The following MARCHF8 variants were observed in gnomAD, a reference collection of about 807,000 sequenced individuals.
The protein encoded by MARCHF8 is E3 ubiquitin-protein ligase MARCHF8.
MARCHF8 carries 40 observed loss-of-function variants against 51.6 expected under a neutral mutation model. The observed-to-expected ratio is 0.77, with a 90% CI of 0.60 to 1.01. The LOEUF is 1.01. Among genes scored for constraint, MARCHF8 ranks in the 50% least tolerant of loss-of-function variants. MARCHF8 has a pLI of 0.00. For missense variants in MARCHF8, 685 were observed against 708.6 expected, an observed-to-expected ratio of 0.97 and a Z score of 0.38; for synonymous variants, 263 against 280.3, an observed-to-expected ratio of 0.94 and a Z score of 0.62.
intron 2 of MARCHF8, among the ~76,000 whole-genome samples, chr10:45,498,001 CTAA>C (rs2043204690): frequency 6.6e-6 from 1 of 152,138 alleles, no homozygotes; most frequent in South Asian, 2.1e-4. Context: ...CCTGAACAGA[CTAA>C]TACAAACATC....
intron 2 of MARCHF8, among the ~76,000 whole-genome samples, chr10:45,529,640 T>C (rs1043370256): frequency 6.6e-6 from 1 of 152,140 alleles, no homozygotes; most frequent in South Asian, 2.1e-4. Flanking sequence ...TTTTAAAAAA[T>C]GGGCAAAGGG....
At chr10:45,468,451 T>G (rs1843044042) in intron 3 of MARCHF8, among the ~76,000 whole-genome samples, 1 of 152,206 alleles carries the variant, frequency 6.6e-6, no homozygotes, top group Non-Finnish European at 1.5e-5. Context: ...AACCCCCAAC[T>G]GGGCCTCCTT....
At chr10:45,515,310 C>T (rs191990327) in intron 2 of MARCHF8, among the ~76,000 whole-genome samples, 1 of 152,288 alleles carries the variant, frequency 6.6e-6, no homozygotes, top group African/African-American at 2.4e-5. Flanking sequence ...TTCCCATAGC[C>T]GTCCTTTTTT....
At chr10:45,467,210 G>T (rs72796494) in intron 3 of MARCHF8, among the ~76,000 whole-genome samples, 2 of 152,160 alleles carry the variant, frequency 1.3e-5, no homozygotes, top group Non-Finnish European at 2.9e-5. Flanking sequence ...AGGTATGTCC[G>T]ATCCTCATCA....
chr10:45,461,149 C>T lies in MARCHF8; in HGVS notation c.1269+82G>A, dbSNP rs546495387. 6.5e-5 allele frequency: 72 copies of T among 1,108,878 alleles called. No individual in the cohort carries two copies. The African/African-American group carries it at 1.1e-3, about 17-fold the overall frequency. The allele number at this position is 1,108,878 out of a possible 1,614,324, so 68.7% of individuals were successfully genotyped here. A position where few individuals can be genotyped will look rare whatever the true frequency, so the allele number is the denominator to read the frequency against. On this transcript the variant is annotated intron_variant, in intron 6 of 7. Transcript: ENST00000453424. ...TTTTAAGGAAATGAACGCAGGCAAG[C>T]CATGACCTCATGATCTGAGACACCA...
intron 1 of MARCHF8, chr10:45,593,303 C>CT (rs1370152584): frequency 7.2e-5 from 11 of 151,938 alleles, no homozygotes; most frequent in African/African-American, 2.4e-4. Flanking sequence ...AATTAGGAAA[C>CT]TATGTGCTAC....
intron 1 of MARCHF8, among the ~76,000 whole-genome samples, chr10:45,542,649 A>G (rs1486290024): frequency 6.6e-6 from 1 of 152,192 alleles, no homozygotes; most frequent in Non-Finnish European, 1.5e-5. Context: ...GTATGGGCTT[A>G]CAATTCATTT....
chr10:45,567,065 T>G (rs1453834811), intron 1 of MARCHF8, among the ~76,000 whole-genome samples: 1 of 152,242 alleles, frequency 6.6e-6, no homozygotes, highest in African/African-American at 2.4e-5. Flanking sequence ...GTTTGCCACT[T>G]GTACATCTTC....
intron 1 of MARCHF8, among the ~76,000 whole-genome samples, chr10:45,555,771 G>GA: frequency 6.7e-6 from 1 of 150,324 alleles, no homozygotes; most frequent in Non-Finnish European, 1.5e-5. Flanking sequence ...AAAAGAAAAA[G>GA]AAAAGAGTAT....
intron 1 of MARCHF8, among the ~76,000 whole-genome samples, chr10:45,543,291 T>C (rs1301495691): frequency 6.6e-6 from 1 of 152,230 alleles, no homozygotes; most frequent in Admixed American, 6.5e-5. Flanking sequence ...TTTAACCCTC[T>C]CTGATTCTCA....
chr10:45,553,584 A>C (rs915331636), intron 1 of MARCHF8, among the ~76,000 whole-genome samples: 4 of 152,258 alleles, frequency 2.6e-5, no homozygotes, highest in African/African-American at 9.6e-5. Flanking sequence ...CTGCAGCACT[A>C]TTTCTAACAG....
At chr10:45,530,724 G>C (rs1254374711) in intron 2 of MARCHF8, among the ~76,000 whole-genome samples, 1 of 152,124 alleles carries the variant, frequency 6.6e-6, no homozygotes, top group African/African-American at 2.4e-5. Context: ...GGTATGCTGT[G>C]ATCACGCCAC....
intron 1 of MARCHF8, among the ~76,000 whole-genome samples, chr10:45,571,939 G>A (rs148366724): frequency 0.014 from 2,098 of 152,190 alleles, 56 homozygotes; most frequent in African/African-American, 0.047. Flanking sequence ...TTAATCACGC[G>A]GGGACACCTA....
intron 1 of MARCHF8, among the ~76,000 whole-genome samples, chr10:45,552,171 A>T (rs2044203266): frequency 6.6e-6 from 1 of 152,162 alleles, no homozygotes; most frequent in Non-Finnish European, 1.5e-5. Flanking sequence ...ATTGACTGTG[A>T]TATGTATACA....
chr10:45,578,877 A>G (rs1377229438), intron 1 of MARCHF8, among the ~76,000 whole-genome samples: 1 of 152,264 alleles, frequency 6.6e-6, no homozygotes, highest in Non-Finnish European at 1.5e-5. Flanking sequence ...GTACTCTTCC[A>G]AAAGATCAAT....
intron 3 of MARCHF8, among the ~76,000 whole-genome samples, chr10:45,488,109 A>G (rs1484302044): frequency 1.3e-5 from 2 of 152,142 alleles, no homozygotes; most frequent in Non-Finnish European, 2.9e-5. Context: ...CCTAGCAGCC[A>G]GTGTGCTCCT....
intron 2 of MARCHF8, among the ~76,000 whole-genome samples, chr10:45,501,664 G>A (rs998995955): frequency 6.6e-6 from 1 of 152,044 alleles, no homozygotes; most frequent in Non-Finnish European, 1.5e-5. Flanking sequence ...AATCAGAAAC[G>A]TTTGCTCCAT....
chr10:45,485,416 A>G (rs1828811557), intron 3 of MARCHF8, among the ~76,000 whole-genome samples: 1 of 152,240 alleles, frequency 6.6e-6, no homozygotes, highest in Non-Finnish European at 1.5e-5. Context: ...TCAATACAAA[A>G]TAAGTATTGG....
At chr10:45,496,039 GA>G (rs959786776) in intron 2 of MARCHF8, among the ~76,000 whole-genome samples, 2 of 151,158 alleles carry the variant, frequency 1.3e-5, no homozygotes, top group East Asian at 1.9e-4. Flanking sequence ...AGAACTCAAA[GA>G]AAAAAAATGT....
Sources: gnomAD v4.1 joint callset for allele counts (sites outside exome capture counted in the v4.1 genomes callset) on GRCh38, gnomAD v4.1.1 for gene constraint, MANE v1.5 for transcripts, NCBI Gene and HGNC (gene_info 2026-07-23, HGNC 2026-07-21) for gene names.